The following PRR16 variants were observed in gnomAD, a reference collection of about 807,000 sequenced individuals.
PRR16 encodes protein Largen.
In PRR16, 6 loss-of-function variants were observed where a neutral mutation model predicts 18.2. The ratio of observed to expected loss-of-function variants is 0.33; its 90% CI spans 0.18 to 0.65. PRR16 has a LOEUF of 0.65. Among genes scored for constraint, PRR16 ranks in the 30% least tolerant of loss-of-function variants. PRR16 has a pLI of 0.74. For synonymous variants in PRR16, 151 were observed against 147.8 expected (o/e 1.02, Z -0.16); for missense variants, 412 against 376.6 (o/e 1.09, Z -0.78).
At chr5:120,610,996 C>A (rs957367041) in intron 1 of PRR16, among the ~76,000 whole-genome samples, 1 of 152,178 alleles carries the variant, frequency 6.6e-6, no homozygotes, top group Non-Finnish European at 1.5e-5. Context: ...CAACAAAATT[C>A]AGGCTGAGGT....
rs145626953 is a variant in PRR16, at chr5:120,613,802, T to C, written c.160-72152T>C. Among the ~76,000 whole-genome samples the C allele has an allele frequency of 2.8e-4, 42 of 152,332 alleles. 1 individual carries two copies. The East Asian group carries it at 8.1e-3, about 29-fold the overall frequency. On this transcript the variant is annotated intron_variant, in intron 1 of 1. Coordinates refer to ENST00000407149, the MANE Select transcript of PRR16 (RefSeq NM_001300783.2). ...TTTATATCCAGGCATATATGGCTCC[T>C]TTAAGAAATCTGGACTGAGAATCCA...
chr5:120,744,266 A>C, the PRR16 span, among the ~76,000 whole-genome samples: 1 of 152,162 alleles, frequency 6.6e-6, no homozygotes, highest in African/African-American at 2.4e-5. Context: ...AGAACTTCAA[A>C]CAAGACTGTA....
At chr5:120,754,247 TTATAA>T in the PRR16 span, among the ~76,000 whole-genome samples, 2 of 26,526 alleles carry the variant, frequency 7.5e-5, no homozygotes, top group Non-Finnish European at 1.4e-4. Flanking sequence ...TAATTAGATA[TTATAA>T]TATAAAAATA....
chr5:120,468,454 G>T (rs1749171679), intron 1 of PRR16, among the ~76,000 whole-genome samples: 1 of 151,988 alleles, frequency 6.6e-6, no homozygotes, highest in South Asian at 2.1e-4. Flanking sequence ...AATCCATGTT[G>T]CATTTTTCTA....
At chr5:120,582,692 C>A (rs1367183995) in intron 1 of PRR16, among the ~76,000 whole-genome samples, 5 of 152,016 alleles carry the variant, frequency 3.3e-5, no homozygotes, top group African/African-American at 1.2e-4. Context: ...TTAAAAATTT[C>A]TTTCGTAATA....
chr5:120,766,617 C>G, the PRR16 span, among the ~76,000 whole-genome samples: 1 of 151,922 alleles, frequency 6.6e-6, no homozygotes, highest in Non-Finnish European at 1.5e-5. Flanking sequence ...AATCAGCTCA[C>G]TCTGATTTTC....
At chr5:120,702,263 TAAGGGGTC>T in the PRR16 span, among the ~76,000 whole-genome samples, 2 of 47,098 alleles carry the variant, frequency 4.2e-5, no homozygotes, top group East Asian at 5.6e-3. Context: ...GGCACGGAAA[TAAGGGGTC>T]GGGGCATGGA....
chr5:120,767,832 C>T, the PRR16 span, among the ~76,000 whole-genome samples: 2 of 151,404 alleles, frequency 1.3e-5, no homozygotes, highest in Non-Finnish European at 3.0e-5. Context: ...ATTCCAATAC[C>T]CCTTCCAAAT....
At chr5:120,553,241 T>C (rs1390982646) in intron 1 of PRR16, among the ~76,000 whole-genome samples, 1 of 151,836 alleles carries the variant, frequency 6.6e-6, no homozygotes, top group Non-Finnish European at 1.5e-5. Context: ...AAAAAATAAA[T>C]TAAGGACTAG....
At chr5:120,643,854 A>C (rs1755504109) in intron 1 of PRR16, among the ~76,000 whole-genome samples, 1 of 152,004 alleles carries the variant, frequency 6.6e-6, no homozygotes, top group Non-Finnish European at 1.5e-5. Flanking sequence ...AAAATATAAA[A>C]ATTAGCCCGG....
chr5:120,734,134 T>A, the PRR16 span, among the ~76,000 whole-genome samples: 1 of 152,210 alleles, frequency 6.6e-6, no homozygotes, highest in Non-Finnish European at 1.5e-5. Context: ...ATTGCACATG[T>A]GTTCATTCCT....
chr5:120,694,557 G>A, the PRR16 span, among the ~76,000 whole-genome samples: 2 of 151,698 alleles, frequency 1.3e-5, no homozygotes, highest in African/African-American at 4.8e-5. Flanking sequence ...GGTGGCGGGC[G>A]CCTGTAGTCC....
chr5:120,652,738 A>T (rs2150132722), intron 1 of PRR16, among the ~76,000 whole-genome samples: 1 of 152,138 alleles, frequency 6.6e-6, no homozygotes, highest in South Asian at 2.1e-4. Flanking sequence ...CTTCAATGGG[A>T]TCGTGCAACA....
At chr5:120,563,003 A>G (rs1490950061) in intron 1 of PRR16, among the ~76,000 whole-genome samples, 1 of 152,122 alleles carries the variant, frequency 6.6e-6, no homozygotes, top group Non-Finnish European at 1.5e-5. Context: ...TTCTATTGCT[A>G]TTAACATCCC....
chr5:120,774,976 T>C, the PRR16 span, among the ~76,000 whole-genome samples: 1 of 152,180 alleles, frequency 6.6e-6, no homozygotes, highest in Admixed American at 6.5e-5. Flanking sequence ...CACATTATCT[T>C]CCTTCCATGC....
chr5:120,485,389 A>T (rs2124164), intron 1 of PRR16, among the ~76,000 whole-genome samples: 151,431 of 152,336 alleles, frequency 0.99, 75,274 homozygotes, highest in East Asian at 1. Flanking sequence ...AGACCATATA[A>T]GTAATTAGGT....
At chr5:120,492,116 C>T (rs2112829025) in intron 1 of PRR16, among the ~76,000 whole-genome samples, 2 of 120,828 alleles carry the variant, frequency 1.7e-5, no homozygotes, top group Admixed American at 8.5e-5. Context: ...GAGACAGCAC[C>T]TTGTTCTGTC....
At chr5:120,609,204 A>T (rs1222744034) in intron 1 of PRR16, among the ~76,000 whole-genome samples, 1 of 152,030 alleles carries the variant, frequency 6.6e-6, no homozygotes, top group Non-Finnish European at 1.5e-5. Flanking sequence ...ATGGTTAGAT[A>T]TATATAAGTA....
At chr5:120,600,613 G>A (rs1445353851) in intron 1 of PRR16, among the ~76,000 whole-genome samples, 3 of 151,834 alleles carry the variant, frequency 2.0e-5, no homozygotes, top group African/African-American at 4.8e-5. Flanking sequence ...AAATATGGAG[G>A]TTTTTTATAA....
Sources: gnomAD v4.1 joint callset for allele counts (sites outside exome capture counted in the v4.1 genomes callset) on GRCh38, gnomAD v4.1.1 for gene constraint, MANE v1.5 for transcripts, NCBI Gene and HGNC (gene_info 2026-07-23, HGNC 2026-07-21) for gene names.